AUNIP: variants seen among roughly 807,000 people sequenced by gnomAD.
AUNIP encodes aurora kinase A and ninein interacting protein.
AUNIP carries 16 observed loss-of-function variants against 12.2 expected under a neutral mutation model. The ratio of observed to expected loss-of-function variants is 1.31; its 90% CI spans 0.88 to 1.99. The LOEUF is 1.99. Ranked by LOEUF, AUNIP falls within the 30% of genes most tolerant of loss-of-function variation. The probability of loss-of-function intolerance (pLI) is 0.00; values close to 1 mark genes in which losing one functional copy is unlikely to be tolerated. For missense variants in AUNIP, 411 were observed against 419.1 expected, an observed-to-expected ratio of 0.98 and a Z score of 0.17; for synonymous variants, 142 against 154.8, an observed-to-expected ratio of 0.92 and a Z score of 0.61.
At chr1:25,832,161 G>C (rs1452088194), downstream of AUNIP, 1 of 1,556,820 alleles carries the variant, frequency 6.4e-7, no homozygotes, top group Admixed American at 1.9e-5. Flanking sequence ...AGCTTGGACT[G>C]AAAGAGAAGA....
intron 1 of AUNIP, among the ~76,000 whole-genome samples, chr1:25,840,304 A>G (rs971369889): frequency 3.3e-5 from 5 of 152,230 alleles, no homozygotes; most frequent in African/African-American, 7.2e-5. Context: ...CCTGAAGACA[A>G]TAGTAACACA....
At chr1:25,832,078 G>A, downstream of AUNIP, 1 of 1,613,468 alleles carries the variant, frequency 6.2e-7, no homozygotes, top group African/African-American at 1.3e-5. Context: ...ACCTTCAATA[G>A]CTGCCTTCCT....
At chr1:25,857,932 C>T (rs2048475860) in intron 1 of AUNIP, among the ~76,000 whole-genome samples, 1 of 152,116 alleles carries the variant, frequency 6.6e-6, no homozygotes, top group African/African-American at 2.4e-5. Flanking sequence ...CTCTGGGAGG[C>T]TGAGGCGGGC....
rs575292049 is a variant in AUNIP at position 25,834,355 on chromosome 1, C to T, written c.*638G>A. 2.1e-5 allele frequency: 21 copies of T among 985,106 alleles called. No homozygotes were observed. In the South Asian group the frequency reaches 8.9e-4, roughly 42 times the overall value. 61.0% of individuals were successfully genotyped at this position (985,106 alleles called of 1,614,324 possible). ...ATCTGGCTGGGCGCGGTGGCTTATG[C>T]CTGTAATCTCAGCACTTTGGGAGGC... On this transcript the variant is annotated 3_prime_UTR_variant, in exon 3 of 3. Transcript: ENST00000374298.
intron 1 of AUNIP, 56 bp from the exon 2 acceptor site, chr1:25,837,610 T>C (rs1572259855): frequency 6.5e-7 from 1 of 1,544,572 alleles, no homozygotes; most frequent in Non-Finnish European, 8.8e-7. Context: ...AGACATACAG[T>C]AGAGATTCAG....
At chr1:25,854,839 G>C (rs976260210) in intron 1 of AUNIP, among the ~76,000 whole-genome samples, 2 of 152,056 alleles carry the variant, frequency 1.3e-5, no homozygotes, top group Admixed American at 1.3e-4. Context: ...CTCACTGCAT[G>C]AACCTCTCCA....
At chr1:25,859,239 C>G (rs895176438) in intron 1 of AUNIP, 41 bp downstream of exon 1, 4 of 1,552,290 alleles carry the variant, frequency 2.6e-6, no homozygotes, top group Non-Finnish European at 3.5e-6. Flanking sequence ...CCTCCAGGCC[C>G]TACCTGGTTC....
At chr1:25,836,071 G>T (rs961970531) in intron 2 of AUNIP, among the ~76,000 whole-genome samples, 2 of 152,124 alleles carry the variant, frequency 1.3e-5, no homozygotes, top group African/African-American at 2.4e-5. Context: ...CAAATACATG[G>T]ATACTTCCCA....
intron 1 of AUNIP, among the ~76,000 whole-genome samples, chr1:25,849,636 T>TTTTG (rs998844132): frequency 3.9e-5 from 6 of 152,142 alleles, no homozygotes; most frequent in Non-Finnish European, 7.3e-5. Flanking sequence ...TTTTGTGTTA[T>TTTTG]TTTGTTTGTT....
At chr1:25,852,490 CTCTTGTTGCCCAGGCTGGAGTTCA>C (rs1195839437) in intron 1 of AUNIP, among the ~76,000 whole-genome samples, 1 of 135,460 alleles carries the variant, frequency 7.4e-6, no homozygotes, top group Non-Finnish European at 1.6e-5. Context: ...AGGAGTTTCA[CTCTTGTTGCCCAGGCTGGAGTTCA>C]CTGCAACCTC....
At chr1:25,840,621 T>C (rs2048341675) in intron 1 of AUNIP, among the ~76,000 whole-genome samples, 1 of 152,230 alleles carries the variant, frequency 6.6e-6, no homozygotes, top group African/African-American at 2.4e-5. Flanking sequence ...ACTTGGAAAG[T>C]ACTTTATGAC....
intron 1 of AUNIP, among the ~76,000 whole-genome samples, chr1:25,854,958 T>C (rs928722829): frequency 1.3e-5 from 2 of 148,438 alleles, no homozygotes; most frequent in East Asian, 1.9e-4. Context: ...TCTTTCTTTT[T>C]TTTTTTTTTT....
rs893343358 is a variant in AUNIP, at chr1:25,847,477, C to T, written c.79-9923G>A. Among the ~76,000 whole-genome samples the T allele has an allele frequency of 6.6e-6, 1 of 151,810 alleles. No individual in the cohort carries two copies. Among genetic ancestry groups the T allele is most frequent in the South Asian group, 2.1e-4 (1 of 4,796 alleles). ...ATGAGGTTTTACCATGTTGGCCAGG[C>T]TGGTCTTAAACTCCTGACCTCAAGT... On this transcript the variant is annotated intron_variant, in intron 1 of 2. Coordinates refer to ENST00000374298, the MANE Select transcript of AUNIP (RefSeq NM_024037.3). This position sits in a 1 kb window ranked among gnomAD's most constrained non-coding sequence, Gnocchi z 4.2.
downstream of AUNIP, chr1:25,833,031 C>CGTTTA (rs1304193836): frequency 6.6e-6 from 1 of 152,192 alleles, no homozygotes; most frequent in African/African-American, 2.4e-5. Context: ...TGAACTTAAA[C>CGTTTA]AGGCTACTGG....
In AUNIP at chr1:25,859,330, C is replaced by T; in HGVS notation, c.28G>A (p.Ala10Thr). 6.4e-7 allele frequency: 1 copy of T among 1,564,716 alleles called. No homozygotes were observed. Among genetic ancestry groups the T allele is most frequent in the South Asian group, 1.2e-5 (1 of 85,152 alleles). Reference protein sequence around the residue: MRRTGPEEEACGVWLDAAAL... With the variant: MRRTGPEEETCGVWLDAAAL... ...GCCGCGTCCAGCCACACGCCGCAGG[C>T]CTCCTCCTCGGGGCCTGTCCGCCTC... Residue 10 changes from alanine to threonine, a missense_variant, in exon 1 of 3, where the codon GCC (alanine) becomes ACC (threonine). Coordinates refer to ENST00000374298, the MANE Select transcript of AUNIP (RefSeq NM_024037.3).
At chr1:25,843,594 GAAAAAAAAAAAAAAAA>G (rs769525747) in intron 1 of AUNIP, among the ~76,000 whole-genome samples, 8 of 31,890 alleles carry the variant, frequency 2.5e-4, no homozygotes, top group East Asian at 1.0e-3. Context: ...CTGTCTGTTT[GAAAAAAAAAAAAAAAA>G]AAAAAAAAAA....
At chr1:25,845,837 C>G (rs148302702) in intron 1 of AUNIP, among the ~76,000 whole-genome samples, 1 of 152,130 alleles carries the variant, frequency 6.6e-6, no homozygotes, top group South Asian at 2.1e-4. Flanking sequence ...ATGCTGTGAT[C>G]CAAGCTAAGA....
chr1:25,838,363 C>T (rs530830090), intron 1 of AUNIP, among the ~76,000 whole-genome samples: 42 of 152,168 alleles, frequency 2.8e-4, no homozygotes, highest in Non-Finnish European at 5.7e-4. Context: ...ATTAGCCAGG[C>T]GTGGTGGCAA....
intron 1 of AUNIP, among the ~76,000 whole-genome samples, chr1:25,841,297 C>T (rs1230234261): frequency 6.6e-6 from 1 of 152,200 alleles, no homozygotes; most frequent in Admixed American, 6.5e-5. Context: ...ATAAAGGCGG[C>T]TGTTTGTATT....
Sources: allele counts gnomAD v4.1 joint callset (sites outside exome capture counted in the v4.1 genomes callset), GRCh38; gene constraint gnomAD v4.1.1; non-coding constraint Gnocchi (gnomAD v3.1); transcripts MANE v1.5; gene names NCBI Gene and HGNC (gene_info 2026-07-23, HGNC 2026-07-21).